GRIA2: variants seen among roughly 807,000 people sequenced by gnomAD.
GRIA2 encodes the protein glutamate receptor 2.
Under a neutral mutation model 97.3 loss-of-function variants are expected in GRIA2, and 14 were observed. The ratio of observed to expected loss-of-function variants is 0.14; its 90% CI spans 0.10 to 0.23. GRIA2 has a LOEUF of 0.23. GRIA2 is among the 10% of genes least tolerant of loss of function. GRIA2 has a pLI of 1.00. For synonymous variants in GRIA2, 412 were observed against 387.8 expected (o/e 1.06, Z -0.73); for missense variants, 558 against 1,069.8 (o/e 0.52, Z 6.67).
At chr4:157,355,520 C>T (rs1409105070) in intron 12 of GRIA2, among the ~76,000 whole-genome samples, 2 of 110,120 alleles carry the variant, frequency 1.8e-5, no homozygotes, top group Non-Finnish European at 2.0e-5. Context: ...AAGAACGAGA[C>T]TTCATGTCAA....
intron 11 of GRIA2, 68 bp from the exon 12 acceptor site, chr4:157,341,196 A>G: frequency 3.0e-6 from 3 of 997,610 alleles, no homozygotes; most frequent in Admixed American, 1.7e-5. Context: ...TTTGCATAAT[A>G]CTGCTAACTT....
At chr4:157,311,365 C>T (rs1344167754) in intron 3 of GRIA2, among the ~76,000 whole-genome samples, 2 of 151,926 alleles carry the variant, frequency 1.3e-5, no homozygotes, top group Non-Finnish European at 2.9e-5. Flanking sequence ...TTAAAGAGCT[C>T]CTCTTCAAAT....
intron 5 of GRIA2, among the ~76,000 whole-genome samples, chr4:157,320,041 A>T (rs1448451011): frequency 6.6e-6 from 1 of 152,090 alleles, no homozygotes; most frequent in African/African-American, 2.4e-5. Context: ...AAATTACCTG[A>T]TATGTTTGAA....
chr4:157,338,230 G>T (rs1390415714), intron 11 of GRIA2, among the ~76,000 whole-genome samples: 5 of 151,556 alleles, frequency 3.3e-5, no homozygotes, highest in Non-Finnish European at 7.4e-5. Flanking sequence ...TAAAGAAGTG[G>T]TTCTCCCTTT....
chr4:157,362,455 A>C (rs1736672335), intron 14 of GRIA2: 1 of 470,954 alleles, frequency 2.1e-6, no homozygotes, highest in South Asian at 1.5e-5. Context: ...AGGATGAAGA[A>C]ACTGTCTTGT....
chr4:157,273,886 A>G (rs1732152879), intron 2 of GRIA2, among the ~76,000 whole-genome samples: 1 of 152,084 alleles, frequency 6.6e-6, no homozygotes, highest in Non-Finnish European at 1.5e-5. Context: ...ACACCACACA[A>G]AATAAATGCC....
At chr4:157,234,172 A>T (rs1291783130) in intron 2 of GRIA2, among the ~76,000 whole-genome samples, 1 of 152,102 alleles carries the variant, frequency 6.6e-6, no homozygotes, top group African/African-American at 2.4e-5. Flanking sequence ...TATCAGGTTT[A>T]AATGATAGTA....
At chr4:157,250,432 A>G (rs1730970507) in intron 2 of GRIA2, among the ~76,000 whole-genome samples, 1 of 152,094 alleles carries the variant, frequency 6.6e-6, no homozygotes, top group Non-Finnish European at 1.5e-5. Context: ...GAGCAGGGTC[A>G]ATTTTCGCAA....
intron 11 of GRIA2, among the ~76,000 whole-genome samples, chr4:157,339,203 C>T (rs962645851): frequency 5.3e-5 from 8 of 151,786 alleles, no homozygotes; most frequent in Admixed American, 1.3e-4. Context: ...TCTGGATTGT[C>T]CCCAATGACC....
chr4:157,360,955 C>A, intron 13 of GRIA2, 55 bp from the exon 14 acceptor site: 1 of 1,291,834 alleles, frequency 7.7e-7, no homozygotes, highest in Non-Finnish European at 1.1e-6. Context: ...ACAAAACAAA[C>A]AAAAAGTCTA....
intron 2 of GRIA2, among the ~76,000 whole-genome samples, chr4:157,238,910 A>T (rs1730370577): frequency 6.6e-6 from 1 of 152,186 alleles, no homozygotes; most frequent in African/African-American, 2.4e-5. Flanking sequence ...TTTTTGTTAT[A>T]TAAAATAGTT....
At chr4:157,289,791 A>G (rs1007405927) in intron 2 of GRIA2, among the ~76,000 whole-genome samples, 4 of 152,026 alleles carry the variant, frequency 2.6e-5, no homozygotes, top group Non-Finnish European at 5.9e-5. Context: ...TAAAAATAAA[A>G]GAAAAGAATT....
chr4:157,307,854 A>G (rs1733909674), intron 3 of GRIA2, among the ~76,000 whole-genome samples: 1 of 152,248 alleles, frequency 6.6e-6, no homozygotes, highest in Non-Finnish European at 1.5e-5. Context: ...AACATCATGC[A>G]TAGAACAAAA....
chr4:157,307,989 C>T (rs1034759631), intron 3 of GRIA2, among the ~76,000 whole-genome samples: 4 of 152,172 alleles, frequency 2.6e-5, no homozygotes, highest in Non-Finnish European at 5.9e-5. Context: ...AATTTATATG[C>T]TTGAAAGAAT....
rs758793734 is a variant in GRIA2, at chr4:157,333,227, T to G, written c.1051-22T>G. 3.7e-6 allele frequency: 5 copies of G among 1,354,426 alleles called. No homozygotes were observed. In the Admixed American group the frequency reaches 9.3e-5, roughly 25 times the overall value. 83.9% of individuals were successfully genotyped at this position (1,354,426 alleles called of 1,614,324 possible). A position where few individuals can be genotyped will look rare whatever the true frequency, so the allele number is the denominator to read the frequency against. On this transcript the variant is annotated intron_variant, in intron 7 of 15. Transcript: ENST00000264426. ...GGTTGAAGTAAATATATAACTCTGC[T>G]GCTTTCCCATTTCTTCATTAGGTTC...
rs1423134372 is a variant in GRIA2 at position 157,365,370 on chromosome 4, A to C, written c.*1939A>C. 1.3e-5 allele frequency: 2 copies of C among 152,036 alleles called. No individual in the cohort carries two copies. The highest frequency in any genetic ancestry group is 4.8e-5 in the African/African-American group (2 of 41,402). 9.4% of individuals were successfully genotyped at this position (152,036 alleles called of 1,614,324 possible). ...ACCAAATTGCAGACTAATTGTTTCCATATTGTACTTAAAATGAGTTTTTAA... is the reference window on the plus strand; with the variant it reads ...ACCAAATTGCAGACTAATTGTTTCCCTATTGTACTTAAAATGAGTTTTTAA... On this transcript the variant is annotated 3_prime_UTR_variant, in exon 16 of 16. Transcript: ENST00000264426.
At chr4:157,355,875 TTA>T (rs1288360039) in intron 12 of GRIA2, among the ~76,000 whole-genome samples, 14 of 53,138 alleles carry the variant, frequency 2.6e-4, no homozygotes, top group East Asian at 1.5e-3. Context: ...ATTAACATAT[TTA>T]TATATATTAA....
chr4:157,270,922 T>A (rs1310375163), intron 2 of GRIA2, among the ~76,000 whole-genome samples: 1 of 132,388 alleles, frequency 7.6e-6, no homozygotes, highest in Non-Finnish European at 1.6e-5. Context: ...GGAACTACAA[T>A]TTGTTTTTTT....
chr4:157,254,327 C>A (rs1045628751), intron 2 of GRIA2, among the ~76,000 whole-genome samples: 2 of 151,818 alleles, frequency 1.3e-5, no homozygotes, highest in Admixed American at 6.6e-5. Context: ...GGATATAACA[C>A]AAAGAACATA....
Sources: allele counts gnomAD v4.1 joint callset (sites outside exome capture counted in the v4.1 genomes callset), GRCh38; gene constraint gnomAD v4.1.1; transcripts MANE v1.5; gene names NCBI Gene and HGNC (gene_info 2026-07-23, HGNC 2026-07-21).